MYO1E: variants seen among roughly 807,000 people sequenced by gnomAD.
MYO1E encodes unconventional myosin-Ie.
In MYO1E, 68 loss-of-function variants were observed where a neutral mutation model predicts 151.1. The ratio of observed to expected loss-of-function variants is 0.45; its 90% CI spans 0.37 to 0.55. MYO1E has a LOEUF of 0.55. Among genes scored for constraint, MYO1E ranks in the 20% least tolerant of loss-of-function variants. The pLI, the probability that MYO1E is intolerant of heterozygous loss-of-function variation, is 0.00. For missense variants in MYO1E, 1,363 were observed against 1,389.3 expected (o/e 0.98, Z 0.30); for synonymous variants, 601 against 501.7 (o/e 1.20, Z -2.64).
At chr15:59,144,839 G>C (rs1452679473) in intron 26 of MYO1E, among the ~76,000 whole-genome samples, 3 of 151,360 alleles carry the variant, frequency 2.0e-5, no homozygotes, top group African/African-American at 7.3e-5. Flanking sequence ...TGAGAAGAAA[G>C]AATGACTTTT....
chr15:59,199,220 C>T (rs1461458317), intron 16 of MYO1E, among the ~76,000 whole-genome samples: 1 of 152,124 alleles, frequency 6.6e-6, no homozygotes, highest in Non-Finnish European at 1.5e-5. Flanking sequence ...CCTCAGCCTC[C>T]TGAGTAGCTG....
chr15:59,270,171 A>C (rs1227684750), intron 2 of MYO1E, among the ~76,000 whole-genome samples: 2 of 152,252 alleles, frequency 1.3e-5, no homozygotes, highest in Non-Finnish European at 2.9e-5. Context: ...ATAGATTTTA[A>C]ATGTTTGCAC....
rs1298225766 is a variant in MYO1E at position 59,174,165 on chromosome 15, A to T, written c.2125T>A (p.Phe709Ile). Reference protein sequence around the residue: ...ARVIQKSWRKFVARKKYVQMR... With the variant: ...ARVIQKSWRKIVARKKYVQMR... ...TGAACGTATTTCTTCCGGGCCACGAATTTCCTCCATGATTTCTGTATCACT... is the reference window on the plus strand; with the variant it reads ...TGAACGTATTTCTTCCGGGCCACGATTTTCCTCCATGATTTCTGTATCACT... Residue 709 changes from phenylalanine (F) to isoleucine (I), a missense_variant, in exon 20 of 28, where the codon TTC becomes ATC. Physicochemically the swap from Phe to Ile is conservative, Grantham distance 21. Coordinates refer to ENST00000288235, the MANE Select transcript of MYO1E (RefSeq NM_004998.4). 1.9e-6 allele frequency: 3 copies of T among 1,613,944 alleles called. No homozygotes were observed. Among genetic ancestry groups the T allele is most frequent in the Non-Finnish European group, 2.5e-6 (3 of 1,179,982 alleles).
chr15:59,146,022 A>G lies in MYO1E; in HGVS notation c.3080+7568T>C, dbSNP rs76879631. ...CCAACTTTTGTTTCATTATTTCCTT[A>G]TTGTTATTATTTTTAGAGACAAGGT... On this transcript the variant is annotated intron_variant, in intron 26 of 27. Coordinates refer to ENST00000288235, the MANE Select transcript of MYO1E (RefSeq NM_004998.4). 1.5e-3 allele frequency among the ~76,000 whole-genome samples: 227 copies of G among 151,786 alleles called. 2 individuals carry two copies. The East Asian group carries it at 0.036, about 24-fold the overall frequency.
At chr15:59,334,246 T>C (rs1402347913) in intron 1 of MYO1E, among the ~76,000 whole-genome samples, 1 of 152,154 alleles carries the variant, frequency 6.6e-6, no homozygotes, top group African/African-American at 2.4e-5. Context: ...ATTGCATCAC[T>C]GCACTCCAGC....
intron 1 of MYO1E, among the ~76,000 whole-genome samples, chr15:59,317,133 T>G (rs573631300): frequency 5.3e-5 from 8 of 152,340 alleles, no homozygotes; most frequent in Middle Eastern, 3.4e-3. Flanking sequence ...TCCATCCATC[T>G]ACTCGATAAA....
intron 17 of MYO1E, among the ~76,000 whole-genome samples, chr15:59,190,629 G>A (rs890952178): frequency 1.3e-5 from 2 of 152,202 alleles, no homozygotes; most frequent in Non-Finnish European, 2.9e-5. Context: ...CATTCCTGCT[G>A]CGCCACTGGC....
intron 1 of MYO1E, among the ~76,000 whole-genome samples, chr15:59,357,600 TTGTTG>T (rs1466603870): frequency 0.046 from 130 of 2,828 alleles, no homozygotes; most frequent in Admixed American, 0.11. Context: ...ATTTTTGTTG[TTGTTG>T]TTGTTGTTGT....
chr15:59,160,269 A>G (rs2079529960), intron 24 of MYO1E, among the ~76,000 whole-genome samples: 1 of 152,110 alleles, frequency 6.6e-6, no homozygotes. Flanking sequence ...ATATAAGTTT[A>G]TAAATATCAA....
At chr15:59,194,719 G>C (rs1259671546) in intron 17 of MYO1E, among the ~76,000 whole-genome samples, 1 of 152,134 alleles carries the variant, frequency 6.6e-6, no homozygotes, top group African/African-American at 2.4e-5. Flanking sequence ...TCAGGCCTCT[G>C]AACAATGTGT....
rs1207728440 is a variant in MYO1E, at chr15:59,134,862, G to A, written c.*2518C>T. ...GTGAACAAAATGGCAGGCCAGGCTA[G>A]ATCCACAGACTAGAGGAAACCCAGG... On this transcript the variant is annotated 3_prime_UTR_variant, in exon 28 of 28. Coordinates refer to ENST00000288235, the MANE Select transcript of MYO1E (RefSeq NM_004998.4). The A allele has an allele frequency of 6.6e-6, 1 of 152,102 alleles. No individual in the cohort carries two copies. Among genetic ancestry groups the A allele is most frequent in the Non-Finnish European group, 1.5e-5 (1 of 68,020 alleles). The allele number at this position is 152,102 out of a possible 1,614,324, so 9.4% of individuals were successfully genotyped here. A position where few individuals can be genotyped will look rare whatever the true frequency, so the allele number is the denominator to read the frequency against.
At chr15:59,187,110 G>A (rs373153978) in intron 18 of MYO1E, among the ~76,000 whole-genome samples, 12 of 152,226 alleles carry the variant, frequency 7.9e-5, no homozygotes, top group Admixed American at 3.9e-4. Context: ...TTAAACCTCC[G>A]CTCTTCCTGT....
At chr15:59,348,664 C>T (rs1364942594) in intron 1 of MYO1E, 3 of 151,200 alleles carry the variant, frequency 2.0e-5, no homozygotes, top group African/African-American at 7.3e-5. Context: ...TGGAGTCTCA[C>T]TCTGTTGCCC....
chr15:59,351,248 A>G (rs1461931357), intron 1 of MYO1E, among the ~76,000 whole-genome samples: 1 of 152,204 alleles, frequency 6.6e-6, no homozygotes, highest in African/African-American at 2.4e-5. Flanking sequence ...GGGAAGGGAA[A>G]TCTAGTCACA....
rs776575077 is a variant in MYO1E at position 59,261,422 on chromosome 15, C to T, written c.235G>A (p.Ala79Thr). 1 of 1,603,594 alleles carries T rather than the reference C, an allele frequency of 6.2e-7. No individual in the cohort carries two copies. The highest frequency in any genetic ancestry group is 8.5e-7 in the Non-Finnish European group (1 of 1,170,666). Residue 79 changes from alanine to threonine, a missense_variant and splice_region_variant, in exon 3 of 28, where the codon GCG becomes ACG. Transcript: ENST00000288235. ...GEKEIEMYQGAAQYENPPHIY... is the reference protein window; with the variant it reads ...GEKEIEMYQGTAQYENPPHIY... ...AATTTATGTGACACGTAACTTACCG[C>T]TCCTTGGTACATTTCAATTTCCTTT... is the stretch of plus-strand genomic sequence containing the variant.
At chr15:59,171,573 C>G (rs1306109584) in intron 22 of MYO1E, among the ~76,000 whole-genome samples, 1 of 152,150 alleles carries the variant, frequency 6.6e-6, no homozygotes, top group African/African-American at 2.4e-5. Flanking sequence ...ATCCTTGGCT[C>G]TACTGCAACA....
intron 26 of MYO1E, among the ~76,000 whole-genome samples, chr15:59,143,074 C>T (rs569738041): frequency 3.0e-4 from 45 of 152,088 alleles, no homozygotes; most frequent in Admixed American, 1.6e-3. Context: ...GTGGCCACTG[C>T]GTGGTCTTTG....
At position 59,309,183 on chromosome 15, in the gene MYO1E, G is replaced by C. The variant is rs148891264; in HGVS notation, c.4-36734C>G. Among the ~76,000 whole-genome samples, 194 of 152,180 alleles carry C rather than the reference G, an allele frequency of 1.3e-3. 1 individual carries two copies. Among genetic ancestry groups the C allele is most frequent in the Middle Eastern group, 6.8e-3 (2 of 294 alleles). ...GAAGATTGATGGGGAGGGAGAAAAG[G>C]GATGATTGTGTACTATGCACTAGCT... On this transcript the variant is annotated intron_variant, in intron 1 of 27. Transcript: ENST00000288235.
At chr15:59,329,203 C>A (rs1274433113) in intron 1 of MYO1E, among the ~76,000 whole-genome samples, 1 of 152,192 alleles carries the variant, frequency 6.6e-6, no homozygotes. Context: ...GAAGACAGCT[C>A]CTCCATGGAG....
Sources: gnomAD v4.1 joint callset for allele counts (sites outside exome capture counted in the v4.1 genomes callset) on GRCh38, gnomAD v4.1.1 for gene constraint, MANE v1.5 for transcripts, NCBI Gene and HGNC (gene_info 2026-07-23, HGNC 2026-07-21) for gene names.